Variants in LRP1B observed in about 807,000 individuals in gnomAD.
The protein encoded by LRP1B is LDL receptor related protein 1B.
LRP1B carries 217 observed loss-of-function variants against 556.6 expected under a neutral mutation model. The ratio of observed to expected loss-of-function variants is 0.39; its 90% confidence interval spans 0.35 to 0.44. The LOEUF (loss-of-function observed/expected upper bound fraction) is 0.44. Ranked by LOEUF, LRP1B falls within the 20% of genes least tolerant of loss-of-function variation. The pLI is 1.00. For missense variants in LRP1B, 5,053 were observed against 5,620.8 expected, an observed-to-expected ratio of 0.90 and a Z score of 3.23; for synonymous variants, 2,047 against 1,865.8, an observed-to-expected ratio of 1.10 and a Z score of -2.50.
At chr2:142,037,586 T>G (rs1004298737) in intron 1 of LRP1B, among the ~76,000 whole-genome samples, 1 of 151,604 alleles carries the variant, frequency 6.6e-6, no homozygotes, top group African/African-American at 2.4e-5. Flanking sequence ...AGCTATTCCT[T>G]ACAATTAAAA....
At position 141,208,876 on chromosome 2, in the gene LRP1B, CAAAAAAAAAAAAAAAAAAA is replaced by C. The variant is rs57659094; in HGVS notation, c.850+20288_851-20294del. On this transcript the variant is annotated intron_variant, in intron 6 of 90. Coordinates refer to ENST00000389484, the MANE Select transcript of LRP1B (RefSeq NM_018557.3). ...AAAGCGAGATTCTGAGATTCCGTCT[CAAAAAAAAAAAAAAAAAAA>C]AAAAAAAAAAAAAAAAAAAAAAAGG... Among the ~76,000 whole-genome samples the C allele has an allele frequency of 1.1e-3, 69 of 65,484 alleles. 1 individual carries two copies. The highest frequency in any genetic ancestry group is 2.8e-3 in the African/African-American group (48 of 16,880). The allele number at this position is 65,484 out of a possible 152,430, so 43.0% of individuals were successfully genotyped here.
In LRP1B at chr2:141,567,452, C is replaced by A. The variant is rs1425896676; in HGVS notation, c.206-86919G>T. Among the ~76,000 whole-genome samples, 3 of 152,188 alleles carry A rather than the reference C, an allele frequency of 2.0e-5. No individual in the cohort carries two copies. In the South Asian group the frequency reaches 6.2e-4, roughly 32 times the overall value. ...AAATCATTTTCAGGACACCTAGTTG[C>A]CATATTTCTGTTTCCAATTCTTTTT... On this transcript the variant is annotated intron_variant, in intron 2 of 90. Transcript: ENST00000389484.
chr2:141,046,185 T>C (rs1698864614), intron 11 of LRP1B, among the ~76,000 whole-genome samples: 3 of 152,162 alleles, frequency 2.0e-5, no homozygotes, highest in Admixed American at 1.3e-4. Context: ...TTTATGTTTA[T>C]TTACAAACAG....
At chr2:141,802,207 T>C (rs988990930) in intron 2 of LRP1B, among the ~76,000 whole-genome samples, 10 of 152,118 alleles carry the variant, frequency 6.6e-5, no homozygotes, top group African/African-American at 2.4e-4. Flanking sequence ...CCGAGGAAAA[T>C]GTGTCTCAGT....
intron 3 of LRP1B, among the ~76,000 whole-genome samples, chr2:141,460,032 A>G (rs1681798734): frequency 6.6e-6 from 1 of 152,160 alleles, no homozygotes; most frequent in African/African-American, 2.4e-5. Context: ...AAATCAAATA[A>G]AGCACTAAAA....
chr2:140,427,843 C>T (rs570459712), intron 66 of LRP1B, among the ~76,000 whole-genome samples: 8 of 152,030 alleles, frequency 5.3e-5, no homozygotes, highest in Admixed American at 6.6e-5. Context: ...CCTCAGCCTC[C>T]GCTCCTCCAC....
At chr2:140,332,584 G>T (rs16843791) in intron 79 of LRP1B, among the ~76,000 whole-genome samples, 11,269 of 152,028 alleles carry the variant, frequency 0.074, 464 homozygotes, top group Middle Eastern at 0.13. Context: ...AAGCAGCTTT[G>T]CTTGGAACAT....
chr2:140,897,615 C>T (rs1297943330), intron 23 of LRP1B, among the ~76,000 whole-genome samples: 1 of 152,142 alleles, frequency 6.6e-6, no homozygotes, highest in Non-Finnish European at 1.5e-5. Flanking sequence ...ACCATCTAAT[C>T]AGTTGCCAGC....
At chr2:141,720,327 T>G (rs566070437) in intron 2 of LRP1B, among the ~76,000 whole-genome samples, 1 of 152,252 alleles carries the variant, frequency 6.6e-6, no homozygotes. Context: ...CAATGTATCT[T>G]TTAAAACTTT....
intron 1 of LRP1B, among the ~76,000 whole-genome samples, chr2:142,117,372 C>T (rs1219483198): frequency 1.3e-5 from 2 of 152,122 alleles, no homozygotes; most frequent in Non-Finnish European, 2.9e-5. Flanking sequence ...TCTTTCCGAA[C>T]CCACATCCTG....
intron 41 of LRP1B, among the ~76,000 whole-genome samples, chr2:140,660,868 T>C (rs1267978177): frequency 8.7e-6 from 1 of 114,876 alleles, no homozygotes; most frequent in African/African-American, 4.5e-5. Flanking sequence ...CCTGTCTTTT[T>C]GTGTTTTTTT....
intron 32 of LRP1B, among the ~76,000 whole-genome samples, chr2:140,786,034 C>T (rs1407059110): frequency 6.6e-6 from 1 of 152,176 alleles, no homozygotes; most frequent in Non-Finnish European, 1.5e-5. Context: ...ACTGCCATTG[C>T]TAAGTGAACA....
In LRP1B at chr2:140,445,361, C is replaced by T. The variant is rs139716244; in HGVS notation, c.10058-682G>A. Among the ~76,000 whole-genome samples, 352 of 152,184 alleles carry T rather than the reference C, an allele frequency of 2.3e-3. 2 individuals carry two copies. In the East Asian group the frequency reaches 0.034, roughly 15 times the overall value. On this transcript the variant is annotated intron_variant, in intron 63 of 90. Coordinates refer to ENST00000389484, the MANE Select transcript of LRP1B (RefSeq NM_018557.3). The stretch of plus-strand genomic sequence containing the variant: ...CGAACTCCGGACCTCAGCTGATCTG[C>T]CCCCCTCGGGCACCAAGTTTTGGGA...
At chr2:140,914,655 T>C (rs1372389578) in intron 21 of LRP1B, among the ~76,000 whole-genome samples, 1 of 152,036 alleles carries the variant, frequency 6.6e-6, no homozygotes, top group Admixed American at 6.6e-5. Flanking sequence ...GCTGGACACA[T>C]ATTACGTGCT....
chr2:141,027,440 C>A (rs1394178620), intron 11 of LRP1B, among the ~76,000 whole-genome samples: 1 of 152,070 alleles, frequency 6.6e-6, no homozygotes, highest in African/African-American at 2.4e-5. Flanking sequence ...TAAAATACAT[C>A]TGATGACTAA....
At chr2:141,884,452 C>T (rs929068730) in intron 1 of LRP1B, among the ~76,000 whole-genome samples, 6 of 151,984 alleles carry the variant, frequency 3.9e-5, no homozygotes, top group African/African-American at 1.4e-4. Context: ...TCTAAAGAGC[C>T]CATGATAGGA....
rs373271566 is a variant in LRP1B, at chr2:141,323,827, T to C, written c.344-69186A>G. The stretch of plus-strand genomic sequence containing the variant: ...CAGAACTCAGCTTAAAAGTGAAAAA[T>C]AGATGCCATGGTAGTGCAAAGGAAA... On this transcript the variant is annotated intron_variant, in intron 3 of 90. Transcript: ENST00000389484. Among the ~76,000 whole-genome samples, 184 of 151,564 alleles carry C rather than the reference T, an allele frequency of 1.2e-3. 5 individuals carry two copies. The South Asian group carries it at 0.037, about 30-fold the overall frequency.
At chr2:141,402,024 C>T (rs1176850686) in intron 3 of LRP1B, among the ~76,000 whole-genome samples, 1 of 152,160 alleles carries the variant, frequency 6.6e-6, no homozygotes. Flanking sequence ...AATTATCTTG[C>T]CACTAAAGGG....
chr2:140,757,147 A>C (rs542367492), intron 35 of LRP1B, among the ~76,000 whole-genome samples: 1 of 152,256 alleles, frequency 6.6e-6, no homozygotes, highest in Non-Finnish European at 1.5e-5. Flanking sequence ...GCTACAGATC[A>C]TAACAAGTCT....
Sources: gnomAD v4.1 joint callset for allele counts (sites outside exome capture counted in the v4.1 genomes callset) on GRCh38, gnomAD v4.1.1 for gene constraint, MANE v1.5 for transcripts, NCBI Gene and HGNC (gene_info 2026-07-23, HGNC 2026-07-21) for gene names.